VAV2: variants seen among roughly 807,000 people sequenced by gnomAD.
VAV2 encodes vav guanine nucleotide exchange factor 2.
In VAV2, 67 loss-of-function variants were observed where a neutral mutation model predicts 132.5. The ratio of observed to expected loss-of-function variants is 0.51; its 90% CI spans 0.42 to 0.62. The LOEUF (loss-of-function observed/expected upper bound fraction) is 0.62, where lower values mean the gene tolerates loss of function less well. VAV2 is among the 20% of genes least tolerant of loss of function. The pLI is 0.00. For synonymous variants in VAV2, 492 were observed against 443.5 expected (o/e 1.11, Z -1.37); for missense variants, 938 against 1,153.6 (o/e 0.81, Z 2.71).
Position 133,768,946 on chromosome 9 carries a change from C to CAGGTG in VAV2, c.2435-355_2435-351dup, listed in dbSNP as rs1308379385. On this transcript the variant is annotated intron_variant, in intron 28 of 29. Transcript: ENST00000371850. The surrounding 1 kb of genome is among the most constrained non-coding windows in gnomAD (Gnocchi z 5.3). Reference sequence around the variant, plus strand: ...GGCCCAGATGCAGAATCCTGATAGACAGGTGACAATGACCATGGCTGAGGG... The same window carrying CAGGTG: ...GGCCCAGATGCAGAATCCTGATAGACAGGTGAGGTGACAATGACCATGGCTGAGGG... 6.6e-6 allele frequency among the ~76,000 whole-genome samples: 1 copy of CAGGTG among 152,174 alleles called. No homozygotes were observed. The highest frequency in any genetic ancestry group is 1.9e-4 in the East Asian group (1 of 5,196).
At chr9:133,970,575 G>A (rs1022572507) in intron 1 of VAV2, among the ~76,000 whole-genome samples, 1 of 152,174 alleles carries the variant, frequency 6.6e-6, no homozygotes, top group Non-Finnish European at 1.5e-5. Context: ...AGACACATGT[G>A]GGGCTGCAGA....
At chr9:133,797,331 G>A (rs1179050458) in intron 10 of VAV2, among the ~76,000 whole-genome samples, 4 of 150,804 alleles carry the variant, frequency 2.7e-5, no homozygotes, top group Non-Finnish European at 5.9e-5. Context: ...ATAGAGACTC[G>A]CCCTGGGCCT....
At chr9:133,933,743 T>A (rs537663913) in intron 2 of VAV2, among the ~76,000 whole-genome samples, 21 of 134,110 alleles carry the variant, frequency 1.6e-4, no homozygotes, top group African/African-American at 5.6e-4. Context: ...GATGAATGGA[T>A]GAGTGGATGG....
At chr9:133,860,678 G>A (rs1450911739) in intron 3 of VAV2, among the ~76,000 whole-genome samples, 1 of 151,234 alleles carries the variant, frequency 6.6e-6, no homozygotes, top group African/African-American at 2.5e-5. Context: ...TTCTCACCCT[G>A]CTGGCCCCTG....
At chr9:133,875,936 C>A (rs1389253052) in intron 2 of VAV2, among the ~76,000 whole-genome samples, 3 of 152,202 alleles carry the variant, frequency 2.0e-5, no homozygotes, top group Admixed American at 2.0e-4. Flanking sequence ...TGCGGGGGCC[C>A]AAACAGGTCA....
intron 12 of VAV2, among the ~76,000 whole-genome samples, chr9:133,793,244 C>T (rs1387367720): frequency 2.0e-5 from 3 of 151,966 alleles, no homozygotes; most frequent in East Asian, 1.9e-4. Context: ...CCAAGGGAGC[C>T]GGCCACGTGG....
At chr9:133,943,536 C>T (rs1460252360) in intron 1 of VAV2, among the ~76,000 whole-genome samples, 1 of 152,240 alleles carries the variant, frequency 6.6e-6, no homozygotes, top group Non-Finnish European at 1.5e-5. Context: ...CTTCCCCCAG[C>T]ATCCTGGACT....
intron 2 of VAV2, among the ~76,000 whole-genome samples, chr9:133,937,511 TGTGTGCGC>T (rs1840966147): frequency 7.5e-6 from 1 of 133,544 alleles, no homozygotes; most frequent in African/African-American, 2.7e-5. Context: ...CGTGTGAGTG[TGTGTGCGC>T]GTGTGAGAGT....
chr9:133,927,198 C>G (rs558442021), intron 2 of VAV2, among the ~76,000 whole-genome samples: 1 of 152,308 alleles, frequency 6.6e-6, no homozygotes, highest in South Asian at 2.1e-4. Context: ...CTGAGACCAG[C>G]TAGCCCAGGA....
Position 133,809,148 on chromosome 9 carries a change from GGA to G in VAV2, c.568-12_568-11del, listed in dbSNP as rs1564368315. 6.8e-6 allele frequency: 11 copies of G among 1,613,272 alleles called. No homozygotes were observed. In the Admixed American group the frequency reaches 1.2e-4, roughly 17 times the overall value. ...CAGTCATGCCCATTTTCTAGAGGAG[GGA>G]AGGGGGAGTCAGCAGGACCCCATGG... On this transcript the variant is annotated splice_polypyrimidine_tract_variant and intron_variant, in intron 6 of 29. Transcript: ENST00000371850.
chr9:133,921,218 C>A (rs145849697), intron 2 of VAV2, among the ~76,000 whole-genome samples: 1 of 152,198 alleles, frequency 6.6e-6, no homozygotes, highest in Non-Finnish European at 1.5e-5. Context: ...CAGCTCTGTG[C>A]GTGCCGGAGT....
At chr9:133,783,271 T>G (rs1185453146) in intron 19 of VAV2, among the ~76,000 whole-genome samples, 1 of 152,226 alleles carries the variant, frequency 6.6e-6, no homozygotes, top group South Asian at 2.1e-4. Context: ...GGTCCTCAAG[T>G]ACCCATTAGG....
intron 19 of VAV2, among the ~76,000 whole-genome samples, chr9:133,782,709 C>T (rs1168738216): frequency 1.3e-5 from 2 of 152,198 alleles, no homozygotes; most frequent in Non-Finnish European, 2.9e-5. Flanking sequence ...CTGGGGCCAC[C>T]GGGGGCTCTT....
rs1470481343 is a variant in VAV2 at position 133,838,673 on chromosome 9, G to A, written c.381-4333C>T. Among the ~76,000 whole-genome samples, 5 of 142,004 alleles carry A rather than the reference G, an allele frequency of 3.5e-5. No individual in the cohort carries two copies. In the South Asian group the frequency reaches 7.5e-4, roughly 21 times the overall value. 93.2% of individuals were successfully genotyped at this position (142,004 alleles called of 152,430 possible). On this transcript the variant is annotated intron_variant, in intron 3 of 29. Transcript: ENST00000371850. ...TGGATGGATGGGTGGATGGAAGGACGAATGGATGGCTGAGTGGCTAGCTGG... is the reference window on the plus strand; with the variant it reads ...TGGATGGATGGGTGGATGGAAGGACAAATGGATGGCTGAGTGGCTAGCTGG...
In VAV2 at chr9:133,884,982, T is replaced by C. The variant is rs1314258313; in HGVS notation, c.322-23550A>G. On this transcript the variant is annotated intron_variant, in intron 2 of 29. Coordinates refer to ENST00000371850, the MANE Select transcript of VAV2 (RefSeq NM_001134398.2). The surrounding 1 kb of genome is among the most constrained non-coding windows in gnomAD (Gnocchi z 5.3). ...ACAGTGACAGGTGGAGCCTAGATCA[T>C]TCCAAAGACTCCAAAGATAATGCCA... Among the ~76,000 whole-genome samples, 1 of 151,944 alleles carries C rather than the reference T, an allele frequency of 6.6e-6. No individual in the cohort carries two copies. The highest frequency in any genetic ancestry group is 1.9e-4 in the East Asian group (1 of 5,178).
chr9:133,906,768 T>C (rs688828), intron 2 of VAV2, among the ~76,000 whole-genome samples: 83,380 of 152,100 alleles, frequency 0.55, 23,542 homozygotes, highest in East Asian at 0.71. Context: ...CCTGGAGAGC[T>C]GGGGGCAGCG....
At chr9:133,846,514 G>A (rs1836940995) in intron 3 of VAV2, among the ~76,000 whole-genome samples, 1 of 152,186 alleles carries the variant, frequency 6.6e-6, no homozygotes, top group Non-Finnish European at 1.5e-5. Context: ...GAACCCCCAG[G>A]GCTCCCCTCA....
At chr9:133,855,188 G>A (rs1045486014) in intron 3 of VAV2, among the ~76,000 whole-genome samples, 15 of 152,238 alleles carry the variant, frequency 9.9e-5, no homozygotes, top group African/African-American at 2.9e-4. Context: ...GCCGGGACTC[G>A]TGGGGCAGGA....
intron 2 of VAV2, among the ~76,000 whole-genome samples, chr9:133,937,783 A>T (rs1254049678): frequency 6.6e-6 from 1 of 152,178 alleles, no homozygotes; most frequent in Non-Finnish European, 1.5e-5. Flanking sequence ...GGACAGCAGG[A>T]CCCACAGGCC....
Sources: gnomAD v4.1 joint callset for allele counts (sites outside exome capture counted in the v4.1 genomes callset) on GRCh38, gnomAD v4.1.1 for gene constraint, Gnocchi (gnomAD v3.1) non-coding constraint, MANE v1.5 for transcripts, NCBI Gene and HGNC (gene_info 2026-07-23, HGNC 2026-07-21) for gene names.